Variants in SP4 observed in about 807,000 individuals in gnomAD.
The protein encoded by SP4 is transcription factor Sp4.
In SP4, 19 loss-of-function variants were observed where a neutral mutation model predicts 72.8. The observed-to-expected ratio is 0.26, with a 90% CI of 0.18 to 0.38. The LOEUF (loss-of-function observed/expected upper bound fraction) is 0.38, where lower values mean the gene tolerates loss of function less well. SP4 is among the 10% of genes least tolerant of loss of function. The pLI, the probability that SP4 is intolerant of heterozygous loss-of-function variation, is 1.00. For synonymous variants in SP4, 395 were observed against 333.1 expected, an observed-to-expected ratio of 1.19 and a Z score of -2.02; for missense variants, 1,008 against 926.3, an observed-to-expected ratio of 1.09 and a Z score of -1.14.
At chr7:21,440,295 T>C (rs1318107106) in intron 3 of SP4, among the ~76,000 whole-genome samples, 1 of 152,168 alleles carries the variant, frequency 6.6e-6, no homozygotes, top group Non-Finnish European at 1.5e-5. Flanking sequence ...TAAGTTAATA[T>C]GTATGAAAAG....
chr7:21,490,376 A>G (rs1414868710), intron 5 of SP4, among the ~76,000 whole-genome samples: 1 of 152,188 alleles, frequency 6.6e-6, no homozygotes, highest in African/African-American at 2.4e-5. Context: ...ATTACACTGA[A>G]ATAGTAGCAG....
intron 3 of SP4, among the ~76,000 whole-genome samples, chr7:21,447,120 C>T (rs991169673): frequency 2.0e-5 from 3 of 152,126 alleles, no homozygotes; most frequent in African/African-American, 4.8e-5. Flanking sequence ...CCCTTGCCAG[C>T]GGATACAGAC....
chr7:21,506,116 A>G (rs1037929262), intron 5 of SP4, among the ~76,000 whole-genome samples: 3 of 152,154 alleles, frequency 2.0e-5, no homozygotes, highest in Non-Finnish European at 4.4e-5. Flanking sequence ...TGACGCCTCA[A>G]TTTGTTTTGC....
intron 5 of SP4, among the ~76,000 whole-genome samples, chr7:21,503,262 C>G (rs372747563): frequency 2.0e-5 from 3 of 152,056 alleles, no homozygotes; most frequent in African/African-American, 7.2e-5. Flanking sequence ...AAAATTGATC[C>G]TTGGTTTCCA....
chr7:21,504,152 C>G (rs1179514447), intron 5 of SP4, among the ~76,000 whole-genome samples: 5 of 152,168 alleles, frequency 3.3e-5, no homozygotes, highest in African/African-American at 9.7e-5. Context: ...AGCCTGTTTC[C>G]TGTAGCTTCT....
At chr7:21,508,848 T>C (rs1229625946) in intron 5 of SP4, among the ~76,000 whole-genome samples, 1 of 147,528 alleles carries the variant, frequency 6.8e-6, no homozygotes, top group African/African-American at 2.5e-5. Context: ...GGCCGTGCTC[T>C]GTCATCCAGG....
At chr7:21,441,593 T>C (rs1006182981) in intron 3 of SP4, among the ~76,000 whole-genome samples, 6 of 152,228 alleles carry the variant, frequency 3.9e-5, no homozygotes, top group African/African-American at 4.8e-5. Context: ...ATGATACTTA[T>C]GAGAGTGTTT....
At chr7:21,436,787 G>T (rs1783063933) in intron 3 of SP4, among the ~76,000 whole-genome samples, 1 of 152,156 alleles carries the variant, frequency 6.6e-6, no homozygotes, top group Admixed American at 6.5e-5. Flanking sequence ...TTAAGTGTGT[G>T]GTGAGATGAG....
At chr7:21,500,288 A>C (rs1322385652) in intron 5 of SP4, among the ~76,000 whole-genome samples, 1 of 152,232 alleles carries the variant, frequency 6.6e-6, no homozygotes, top group East Asian at 1.9e-4. Context: ...ATATTAGGTC[A>C]GCTATAATTT....
chr7:21,494,669 T>C (rs752241103), intron 5 of SP4, among the ~76,000 whole-genome samples: 4 of 152,164 alleles, frequency 2.6e-5, no homozygotes, highest in Non-Finnish European at 4.4e-5. Context: ...TATTCAAGGA[T>C]TGGATGGCCC....
intron 3 of SP4, chr7:21,471,168 A>C (rs969005422): frequency 1.9e-6 from 1 of 533,392 alleles, no homozygotes. Flanking sequence ...TTATAAAACT[A>C]AGCAGGAGTT....
At chr7:21,493,152 A>T (rs1361236635) in intron 5 of SP4, among the ~76,000 whole-genome samples, 2 of 151,664 alleles carry the variant, frequency 1.3e-5, no homozygotes, top group African/African-American at 4.8e-5. Context: ...GTGAGCTGAG[A>T]TTGCACCATT....
chr7:21,498,123 C>T (rs1434427601), intron 5 of SP4, among the ~76,000 whole-genome samples: 1 of 152,074 alleles, frequency 6.6e-6, no homozygotes, highest in Non-Finnish European at 1.5e-5. Context: ...ACCAGCCCTC[C>T]TTATATGTGG....
intron 3 of SP4, among the ~76,000 whole-genome samples, chr7:21,434,084 G>A (rs960475691): frequency 1.3e-5 from 2 of 152,156 alleles, no homozygotes; most frequent in Non-Finnish European, 2.9e-5. Context: ...TTTACTTTGT[G>A]TCCCCATTCA....
At chr7:21,461,433 A>G (rs1783977081) in intron 3 of SP4, among the ~76,000 whole-genome samples, 6 of 152,190 alleles carry the variant, frequency 3.9e-5, no homozygotes, top group Admixed American at 3.9e-4. Context: ...CCAGTGGGCC[A>G]GTACTGCTGG....
At chr7:21,451,938 G>A (rs755428425) in intron 3 of SP4, among the ~76,000 whole-genome samples, 1 of 152,190 alleles carries the variant, frequency 6.6e-6, no homozygotes, top group African/African-American at 2.4e-5. Flanking sequence ...TGAGACCTGG[G>A]TGCGTGGGGT....
At chr7:21,472,112 G>A (rs1171713665) in intron 3 of SP4, among the ~76,000 whole-genome samples, 2 of 152,184 alleles carry the variant, frequency 1.3e-5, no homozygotes, top group African/African-American at 4.8e-5. Context: ...GATAGTAAGA[G>A]TATGACACTT....
intron 3 of SP4, among the ~76,000 whole-genome samples, chr7:21,446,638 T>G (rs1270668827): frequency 6.6e-6 from 1 of 152,206 alleles, no homozygotes; most frequent in Non-Finnish European, 1.5e-5. Context: ...TTTCATTTAG[T>G]GTTAGAATTC....
intron 5 of SP4, among the ~76,000 whole-genome samples, chr7:21,488,805 T>G (rs1784893974): frequency 6.6e-6 from 1 of 151,992 alleles, no homozygotes; most frequent in African/African-American, 2.4e-5. Context: ...ACTATAATGA[T>G]ACAACTAAAT....
Sources: gnomAD v4.1 joint callset for allele counts (sites outside exome capture counted in the v4.1 genomes callset) on GRCh38, gnomAD v4.1.1 for gene constraint, MANE v1.5 for transcripts, NCBI Gene and HGNC (gene_info 2026-07-23, HGNC 2026-07-21) for gene names.